Variants in FAM78B observed in about 807,000 individuals in gnomAD.
FAM78B encodes the protein family with sequence similarity 78 member B.
FAM78B carries 10 observed loss-of-function variants against 20.0 expected under a neutral mutation model. The ratio of observed to expected loss-of-function variants is 0.50; its 90% confidence interval spans 0.31 to 0.85. The LOEUF (loss-of-function observed/expected upper bound fraction) is 0.85. Among genes scored for constraint, FAM78B ranks in the 40% least tolerant of loss-of-function variants. FAM78B has a pLI of 0.05. For synonymous variants in FAM78B, 135 were observed against 132.8 expected (o/e 1.02, Z -0.12); for missense variants, 283 against 345.0 (o/e 0.82, Z 1.42).
intron 1 of FAM78B, among the ~76,000 whole-genome samples, chr1:166,094,903 C>T (rs191542066): frequency 1.3e-5 from 2 of 152,314 alleles, no homozygotes; most frequent in East Asian, 3.9e-4. Context: ...TTCTTTGTTT[C>T]ACCTTCAGAA....
chr1:166,137,364 A>C (rs76731651), intron 1 of FAM78B, among the ~76,000 whole-genome samples: 2 of 152,344 alleles, frequency 1.3e-5, no homozygotes, highest in Admixed American at 1.3e-4. Context: ...ACCATCCGCC[A>C]TATTTTCTTT....
chr1:166,056,831 T>C (rs1651363460), downstream of FAM78B, among the ~76,000 whole-genome samples: 1 of 152,224 alleles, frequency 6.6e-6, no homozygotes, highest in Non-Finnish European at 1.5e-5. Flanking sequence ...AGTGCTATGT[T>C]CCAATATTTG....
intron 1 of FAM78B, among the ~76,000 whole-genome samples, chr1:166,145,757 T>G (rs1385675519): frequency 6.6e-6 from 1 of 152,206 alleles, no homozygotes; most frequent in Non-Finnish European, 1.5e-5. Flanking sequence ...ACTAACACTT[T>G]TTCTTGGTTG....
rs762139287 is a variant in FAM78B at position 166,133,345 on chromosome 1, T to G, written c.263+32641A>C. On this transcript the variant is annotated intron_variant, in intron 1 of 1. Transcript: ENST00000354422. The stretch of plus-strand genomic sequence containing the variant: ...CAGGAGAAGAGAGGATACCTGTTAT[T>G]GTGTAACTTTAGGTTTAGAGTTACA... 2.0e-5 allele frequency among the ~76,000 whole-genome samples: 3 copies of G among 152,314 alleles called. No homozygotes were observed. In the Middle Eastern group the frequency reaches 0.01, roughly 518 times the overall value.
intron 1 of FAM78B, among the ~76,000 whole-genome samples, chr1:166,144,724 C>T (rs570480702): frequency 6.6e-6 from 1 of 152,108 alleles, no homozygotes; most frequent in Admixed American, 6.5e-5. Flanking sequence ...TGTAAACTAA[C>T]TTTCCTCAAG....
intron 1 of FAM78B, among the ~76,000 whole-genome samples, chr1:166,160,073 G>A (rs1209609651): frequency 2.6e-5 from 4 of 152,202 alleles, no homozygotes; most frequent in African/African-American, 4.8e-5. Flanking sequence ...AAATGGAAAT[G>A]GCGGGGGGAG....
chr1:166,092,929 A>T (rs562550524), intron 1 of FAM78B, among the ~76,000 whole-genome samples: 8 of 152,242 alleles, frequency 5.3e-5, no homozygotes, highest in Non-Finnish European at 8.8e-5. Flanking sequence ...AGCTTACTGG[A>T]TCTCAGAGAC....
At chr1:166,165,959 TC>T (rs765175483) in intron 1 of FAM78B, 26 bp downstream of exon 1, 2 of 1,612,766 alleles carry the variant, frequency 1.2e-6, no homozygotes, top group Admixed American at 3.3e-5. Context: ...CAGAGTCCGC[TC>T]CCGTGCCGCG....
At chr1:166,101,752 C>A (rs374635702) in intron 1 of FAM78B, among the ~76,000 whole-genome samples, 7 of 151,964 alleles carry the variant, frequency 4.6e-5, no homozygotes, top group South Asian at 2.1e-4. Context: ...CTGAAAGTGA[C>A]GGGGAGAATG....
At chr1:166,120,497 A>G (rs1175747315) in intron 1 of FAM78B, among the ~76,000 whole-genome samples, 1 of 152,228 alleles carries the variant, frequency 6.6e-6, no homozygotes, top group Non-Finnish European at 1.5e-5. Flanking sequence ...ATCATGTTGA[A>G]ACGAGAGCAT....
intron 1 of FAM78B, among the ~76,000 whole-genome samples, chr1:166,130,447 A>AGTG (rs1654831082): frequency 6.6e-6 from 1 of 152,174 alleles, no homozygotes. Context: ...TAATCCTATG[A>AGTG]GTTAATGCAG....
intron 1 of FAM78B, among the ~76,000 whole-genome samples, chr1:166,090,972 G>A (rs1653042141): frequency 6.6e-6 from 1 of 152,140 alleles, no homozygotes; most frequent in Non-Finnish European, 1.5e-5. Flanking sequence ...TTAAAGTTGG[G>A]GTGGGGGTGC....
intron 1 of FAM78B, among the ~76,000 whole-genome samples, chr1:166,133,203 G>C (rs1352117478): frequency 6.6e-6 from 1 of 152,192 alleles, no homozygotes; most frequent in Non-Finnish European, 1.5e-5. Context: ...CCTGGAGGAA[G>C]AATAAGGGCT....
intron 1 of FAM78B, chr1:166,148,075 C>T (rs186602269): frequency 5.6e-4 from 85 of 152,300 alleles, no homozygotes; most frequent in African/African-American, 2.0e-3. Flanking sequence ...TCAACTTTAA[C>T]AACAGTGAAT....
chr1:166,155,378 C>T (rs756035889), intron 1 of FAM78B, among the ~76,000 whole-genome samples: 1 of 152,130 alleles, frequency 6.6e-6, no homozygotes, highest in African/African-American at 2.4e-5. Context: ...TGTAGGCCTC[C>T]GTTTCATCTC....
intron 1 of FAM78B, among the ~76,000 whole-genome samples, chr1:166,152,878 A>C: frequency 6.6e-6 from 1 of 151,948 alleles, no homozygotes; most frequent in Admixed American, 6.6e-5. Flanking sequence ...AGGTTTCACC[A>C]TGTTGGCCAG....
At chr1:166,147,211 T>C (rs2101794605) in intron 1 of FAM78B, among the ~76,000 whole-genome samples, 1 of 152,250 alleles carries the variant, frequency 6.6e-6, no homozygotes, top group Non-Finnish European at 1.5e-5. Context: ...AGGCTGGTTG[T>C]GTGTGTGGTG....
At chr1:166,096,074 A>G (rs1195389369) in intron 1 of FAM78B, among the ~76,000 whole-genome samples, 1 of 152,208 alleles carries the variant, frequency 6.6e-6, no homozygotes, top group Non-Finnish European at 1.5e-5. Flanking sequence ...AGATCATCTA[A>G]GCAACGTAAC....
At chr1:166,064,985 C>T (rs948349989), downstream of FAM78B, among the ~76,000 whole-genome samples, 1 of 152,186 alleles carries the variant, frequency 6.6e-6, no homozygotes, top group Non-Finnish European at 1.5e-5. Context: ...CCTCAGAGCA[C>T]CCAACTGGGC....
Sources: allele counts gnomAD v4.1 joint callset (sites outside exome capture counted in the v4.1 genomes callset), GRCh38; gene constraint gnomAD v4.1.1; transcripts MANE v1.5; gene names NCBI Gene and HGNC (gene_info 2026-07-23, HGNC 2026-07-21).